The following ARHGAP15 variants were observed in gnomAD, a reference collection of about 807,000 sequenced individuals.
ARHGAP15 encodes rho GTPase-activating protein 15.
Under a neutral mutation model 63.7 loss-of-function variants are expected in ARHGAP15, and 51 were observed. The ratio of observed to expected loss-of-function variants is 0.80; its 90% CI spans 0.64 to 1.01. The LOEUF (loss-of-function observed/expected upper bound fraction) is 1.01. Among genes scored for constraint, ARHGAP15 ranks in the 50% least tolerant of loss-of-function variants. ARHGAP15 has a pLI of 0.00. For missense variants in ARHGAP15, 560 were observed against 564.6 expected, an observed-to-expected ratio of 0.99 and a Z score of 0.08; for synonymous variants, 191 against 193.8, an observed-to-expected ratio of 0.99 and a Z score of 0.12.
Position 143,464,344 on chromosome 2 carries a change from A to C in ARHGAP15, c.704-23029A>C, listed in dbSNP as rs551369413. On this transcript the variant is annotated intron_variant, in intron 8 of 13. Transcript: ENST00000295095. ...AGTAAAGTAGATATAACTTGATAGA[A>C]ATAAAGAATAGACTGAAAATATAAT... 2.6e-5 allele frequency among the ~76,000 whole-genome samples: 4 copies of C among 152,218 alleles called. No individual in the cohort carries two copies. In the South Asian group the frequency reaches 6.2e-4, roughly 24 times the overall value.
intron 8 of ARHGAP15, among the ~76,000 whole-genome samples, chr2:143,447,206 G>A (rs1352361081): frequency 6.6e-6 from 1 of 152,126 alleles, no homozygotes; most frequent in African/African-American, 2.4e-5. Flanking sequence ...ATAGAAAATA[G>A]TAAAATAATA....
At chr2:143,152,745 A>G (rs922905173) in intron 1 of ARHGAP15, among the ~76,000 whole-genome samples, 2 of 152,014 alleles carry the variant, frequency 1.3e-5, no homozygotes, top group African/African-American at 4.8e-5. Context: ...AATAGCATCA[A>G]GTCAATGACC....
chr2:143,659,634 G>C (rs1681644591), intron 12 of ARHGAP15, among the ~76,000 whole-genome samples: 2 of 152,150 alleles, frequency 1.3e-5, no homozygotes, highest in Admixed American at 1.3e-4. Flanking sequence ...TCCCTTCCAA[G>C]CCACTACCGC....
chr2:143,153,811 T>C (rs973755203), intron 1 of ARHGAP15, among the ~76,000 whole-genome samples: 7 of 74,454 alleles, frequency 9.4e-5, no homozygotes, highest in Non-Finnish European at 1.4e-4. Flanking sequence ...TTCTTCTTCT[T>C]CTTCTTCTTC....
chr2:143,688,391 A>G (rs1396015350), intron 12 of ARHGAP15, among the ~76,000 whole-genome samples: 1 of 152,182 alleles, frequency 6.6e-6, no homozygotes, highest in African/African-American at 2.4e-5. Context: ...AGCACCAGTC[A>G]TTGTTTTAAA....
chr2:143,532,078 C>G (rs916709330), intron 10 of ARHGAP15, among the ~76,000 whole-genome samples: 8 of 152,160 alleles, frequency 5.3e-5, no homozygotes, highest in Non-Finnish European at 1.0e-4. Flanking sequence ...GACAAGGTCA[C>G]CAAAGATGGC....
At chr2:143,645,183 C>T (rs1242461862) in intron 12 of ARHGAP15, among the ~76,000 whole-genome samples, 1 of 152,002 alleles carries the variant, frequency 6.6e-6, no homozygotes, top group African/African-American at 2.4e-5. Context: ...TCCAGCTCTA[C>T]AAGCCAAAAG....
chr2:143,536,888 C>G (rs1694795596), intron 10 of ARHGAP15, among the ~76,000 whole-genome samples: 1 of 152,110 alleles, frequency 6.6e-6, no homozygotes. Flanking sequence ...GGTATATACC[C>G]AGTAATGAGA....
At chr2:143,287,675 G>A (rs1682172894) in intron 6 of ARHGAP15, among the ~76,000 whole-genome samples, 1 of 151,952 alleles carries the variant, frequency 6.6e-6, no homozygotes, top group African/African-American at 2.4e-5. Flanking sequence ...GCATAGTGGT[G>A]CACACCTGTA....
Position 143,487,372 on chromosome 2 carries a change from G to A in ARHGAP15, c.704-1G>A. The A allele has an allele frequency of 1.3e-6, 2 of 1,599,332 alleles. No individual in the cohort carries two copies. The highest frequency in any genetic ancestry group is 1.1e-5 in the South Asian group (1 of 87,214). On this transcript the variant is annotated splice_acceptor_variant, in intron 8 of 13. Coordinates refer to ENST00000295095, the MANE Select transcript of ARHGAP15 (RefSeq NM_018460.4). LOFTEE classifies it high-confidence loss of function. The stretch of plus-strand genomic sequence containing the variant: ...AGCCTCTGATTTTTTTAAATCTTCA[G>A]TGTTCAGACTGCATCACAGTGCTTC...
At chr2:143,285,918 A>G (rs1180742121) in intron 6 of ARHGAP15, among the ~76,000 whole-genome samples, 1 of 152,158 alleles carries the variant, frequency 6.6e-6, no homozygotes, top group Non-Finnish European at 1.5e-5. Context: ...GTGTAGATAA[A>G]ATAATTTTAC....
chr2:143,551,036 G>C (rs1350022678), intron 10 of ARHGAP15, among the ~76,000 whole-genome samples: 3 of 152,100 alleles, frequency 2.0e-5, no homozygotes. Flanking sequence ...ATAAGTGGTA[G>C]GAACTACGAA....
intron 11 of ARHGAP15, among the ~76,000 whole-genome samples, chr2:143,619,656 T>C (rs1698581321): frequency 6.6e-6 from 1 of 152,132 alleles, no homozygotes; most frequent in South Asian, 2.1e-4. Flanking sequence ...ATCCCCAATG[T>C]TGGGGGAGGG....
intron 8 of ARHGAP15, among the ~76,000 whole-genome samples, chr2:143,472,274 A>G (rs986772429): frequency 2.6e-5 from 4 of 152,084 alleles, no homozygotes; most frequent in Admixed American, 2.6e-4. Context: ...AGATTTCTAT[A>G]TATTTTTTTA....
At chr2:143,271,227 G>T (rs1681262328) in intron 6 of ARHGAP15, among the ~76,000 whole-genome samples, 1 of 152,208 alleles carries the variant, frequency 6.6e-6, no homozygotes, top group African/African-American at 2.4e-5. Flanking sequence ...AGCCATATGT[G>T]CATTCCATTT....
At chr2:143,365,663 A>G (rs548040360) in intron 6 of ARHGAP15, among the ~76,000 whole-genome samples, 2 of 152,306 alleles carry the variant, frequency 1.3e-5, no homozygotes, top group South Asian at 4.1e-4. Context: ...AACTTCCCGA[A>G]ATTGAATCTT....
chr2:143,155,726 A>G, intron 2 of ARHGAP15, 71 bp downstream of exon 2: 1 of 1,435,406 alleles, frequency 7.0e-7, no homozygotes, highest in Non-Finnish European at 9.3e-7. Flanking sequence ...AAAAAAAGCT[A>G]ATTAGTCTTG....
At chr2:143,695,718 A>T (rs1683813601) in intron 12 of ARHGAP15, among the ~76,000 whole-genome samples, 2 of 152,024 alleles carry the variant, frequency 1.3e-5, no homozygotes, top group African/African-American at 4.8e-5. Context: ...AAATACAAAA[A>T]CTAGCCAGAC....
chr2:143,572,799 C>T (rs1425182356), intron 11 of ARHGAP15, among the ~76,000 whole-genome samples: 1 of 152,018 alleles, frequency 6.6e-6, no homozygotes, highest in Non-Finnish European at 1.5e-5. Context: ...ACTCTCACTG[C>T]TAATCTAGTT....
Sources: gnomAD v4.1 joint callset for allele counts (sites outside exome capture counted in the v4.1 genomes callset) on GRCh38, gnomAD v4.1.1 for gene constraint, MANE v1.5 for transcripts, NCBI Gene and HGNC (gene_info 2026-07-23, HGNC 2026-07-21) for gene names.